Variants in IMMP2L observed in about 807,000 individuals in gnomAD.
The protein encoded by IMMP2L is mitochondrial inner membrane protease subunit 2.
Under a neutral mutation model 19.3 loss-of-function variants are expected in IMMP2L, and 18 were observed. The ratio of observed to expected loss-of-function variants is 0.93; its 90% CI spans 0.64 to 1.38. The LOEUF (loss-of-function observed/expected upper bound fraction) is 1.38, where lower values mean the gene tolerates loss of function less well. Among genes scored for constraint, IMMP2L ranks in the 40% most tolerant of loss-of-function variants. The probability of loss-of-function intolerance (pLI) is 0.00; values close to 1 mark genes in which losing one functional copy is unlikely to be tolerated. For synonymous variants in IMMP2L, 76 were observed against 73.0 expected (o/e 1.04, Z -0.21); for missense variants, 233 against 218.2 (o/e 1.07, Z -0.43).
At chr7:111,168,453 G>A (rs758449877) in intron 3 of IMMP2L, among the ~76,000 whole-genome samples, 1 of 151,920 alleles carries the variant, frequency 6.6e-6, no homozygotes, top group Middle Eastern at 3.4e-3. Flanking sequence ...TTGAGAGTAG[G>A]TCAGTGCATT....
intron 3 of IMMP2L, among the ~76,000 whole-genome samples, chr7:111,005,874 C>T (rs1165159252): frequency 6.6e-6 from 1 of 152,106 alleles, no homozygotes; most frequent in Non-Finnish European, 1.5e-5. Context: ...TTCTTTCTAG[C>T]TTCAGAATGC....
At chr7:110,844,251 T>C (rs1352470911) in intron 5 of IMMP2L, among the ~76,000 whole-genome samples, 1 of 152,170 alleles carries the variant, frequency 6.6e-6, no homozygotes. Flanking sequence ...TCAAGAAATG[T>C]AACAAATTAT....
At chr7:111,302,328 G>A (rs1470124740) in intron 3 of IMMP2L, among the ~76,000 whole-genome samples, 1 of 152,072 alleles carries the variant, frequency 6.6e-6, no homozygotes, top group Admixed American at 6.6e-5. Flanking sequence ...CTGACCTCCT[G>A]AACCAAAATA....
chr7:110,706,969 C>T (rs1794731961), intron 5 of IMMP2L, among the ~76,000 whole-genome samples: 2 of 147,740 alleles, frequency 1.4e-5, no homozygotes, highest in Non-Finnish European at 3.0e-5. Flanking sequence ...AGGATTTTTA[C>T]AGTTTGAGGT....
At chr7:111,518,132 T>C (rs531568682) in intron 2 of IMMP2L, among the ~76,000 whole-genome samples, 1 of 152,200 alleles carries the variant, frequency 6.6e-6, no homozygotes, top group South Asian at 2.1e-4. Context: ...GAATTGCAAA[T>C]TAATACTGAA....
chr7:111,411,699 C>A (rs1284433472), intron 3 of IMMP2L: 11 of 210,264 alleles, frequency 5.2e-5, no homozygotes, highest in Non-Finnish European at 9.9e-5. Context: ...GTGCAGGTGC[C>A]CATCTTCAAG....
At chr7:110,998,678 A>G (rs1823300590) in intron 3 of IMMP2L, among the ~76,000 whole-genome samples, 4 of 152,146 alleles carry the variant, frequency 2.6e-5, no homozygotes, top group Admixed American at 2.6e-4. Flanking sequence ...CTCAACTGGG[A>G]TTGTCAACTA....
intron 3 of IMMP2L, among the ~76,000 whole-genome samples, chr7:111,006,324 A>T (rs1285291523): frequency 1.3e-5 from 2 of 152,120 alleles, no homozygotes; most frequent in African/African-American, 4.8e-5. Context: ...GATATAGGAG[A>T]GGGAAAAGGA....
intron 3 of IMMP2L, among the ~76,000 whole-genome samples, chr7:111,090,236 A>C (rs1796717046): frequency 6.6e-6 from 1 of 152,288 alleles, no homozygotes; most frequent in Non-Finnish European, 1.5e-5. Context: ...GGTAATTAAT[A>C]AAAATGTTTT....
At chr7:111,137,856 A>C (rs1245361734) in intron 3 of IMMP2L, among the ~76,000 whole-genome samples, 2 of 152,100 alleles carry the variant, frequency 1.3e-5, no homozygotes, top group Non-Finnish European at 2.9e-5. Context: ...ACAGGGTCTC[A>C]CTCTGTTTCC....
chr7:110,841,841 T>C (rs770949253), intron 5 of IMMP2L, among the ~76,000 whole-genome samples: 15 of 152,164 alleles, frequency 9.9e-5, no homozygotes, highest in Non-Finnish European at 1.8e-4. Context: ...AGAATTGATG[T>C]AAAATTCAAC....
chr7:111,301,506 G>A (rs1174228349), intron 3 of IMMP2L, among the ~76,000 whole-genome samples: 1 of 151,890 alleles, frequency 6.6e-6, no homozygotes, highest in Non-Finnish European at 1.5e-5. Flanking sequence ...CATGCTTTCA[G>A]TGTCAAGTCT....
intron 3 of IMMP2L, among the ~76,000 whole-genome samples, chr7:111,029,439 G>C (rs2129568454): frequency 6.6e-6 from 1 of 152,268 alleles, no homozygotes; most frequent in South Asian, 2.1e-4. Context: ...GACATATTTA[G>C]ATCAAACTAT....
chr7:110,985,033 A>G lies in IMMP2L; in HGVS notation c.240-21468T>C, dbSNP rs113658372. On this transcript the variant is annotated intron_variant, in intron 3 of 5. Coordinates refer to ENST00000405709, the MANE Select transcript of IMMP2L (RefSeq NM_032549.4). ...AGTCAGAGAAAAAGATGAGATGGCA[A>G]CACAGTGTTAGAGAGATGTTTTGTT... 9.4e-3 allele frequency among the ~76,000 whole-genome samples: 1,425 copies of G among 152,258 alleles called. 24 individuals carry two copies. Among genetic ancestry groups the G allele is most frequent in the African/African-American group, 0.032 (1,344 of 41,560 alleles).
intron 5 of IMMP2L, among the ~76,000 whole-genome samples, chr7:110,800,421 T>A (rs1169565694): frequency 6.6e-6 from 1 of 152,010 alleles, no homozygotes; most frequent in African/African-American, 2.4e-5. Context: ...TGCAGAGAAT[T>A]TTTGAATGGC....
chr7:111,463,747 C>T (rs1000080418), intron 3 of IMMP2L, among the ~76,000 whole-genome samples: 1 of 152,154 alleles, frequency 6.6e-6, no homozygotes, highest in Non-Finnish European at 1.5e-5. Flanking sequence ...TTGCATTCTG[C>T]ACTACCACCC....
chr7:111,402,111 A>C (rs2131417155), intron 3 of IMMP2L, among the ~76,000 whole-genome samples: 1 of 137,152 alleles, frequency 7.3e-6, no homozygotes, highest in Admixed American at 8.2e-5. Context: ...ACATAGCAAG[A>C]CCCCATCTCA....
At chr7:111,316,133 T>C (rs1824048687) in intron 3 of IMMP2L, among the ~76,000 whole-genome samples, 1 of 152,102 alleles carries the variant, frequency 6.6e-6, no homozygotes, top group South Asian at 2.1e-4. Context: ...AAAAACATGG[T>C]ATTATCCTCT....
intron 3 of IMMP2L, among the ~76,000 whole-genome samples, chr7:111,359,322 G>A (rs1254982729): frequency 1.3e-5 from 2 of 151,974 alleles, no homozygotes; most frequent in Non-Finnish European, 2.9e-5. Flanking sequence ...GTTTTAATGA[G>A]ACAGAGTCTC....
Sources: gnomAD v4.1 joint callset for allele counts (sites outside exome capture counted in the v4.1 genomes callset) on GRCh38, gnomAD v4.1.1 for gene constraint, MANE v1.5 for transcripts, NCBI Gene and HGNC (gene_info 2026-07-23, HGNC 2026-07-21) for gene names.